ZNF486: variants seen among roughly 807,000 people sequenced by gnomAD.
ZNF486 encodes zinc finger protein 486, also known as KRAB box only protein 2.
In ZNF486, 12 loss-of-function variants were observed where a neutral mutation model predicts 12.8. The ratio of observed to expected loss-of-function variants is 0.94; its 90% confidence interval spans 0.60 to 1.52. The LOEUF is 1.52. ZNF486 is among the 40% of genes most tolerant of loss of function. The probability of loss-of-function intolerance (pLI) is 0.00; values close to 1 mark genes in which losing one functional copy is unlikely to be tolerated. For missense variants in ZNF486, 738 were observed against 545.0 expected (o/e 1.35, Z -3.53); for synonymous variants, 231 against 184.9 (o/e 1.25, Z -2.02).
At chr19:20,184,666 C>G (rs2089823266) in intron 2 of ZNF486, among the ~76,000 whole-genome samples, 184 bp downstream of exon 2, 1 of 152,180 alleles carries the variant, frequency 6.6e-6, no homozygotes, top group Non-Finnish European at 1.5e-5. Context: ...TTAATCCAAA[C>G]TTTCCACATT....
At chr19:20,179,183 T>A (rs1555715215) in intron 1 of ZNF486, among the ~76,000 whole-genome samples, 1 of 152,242 alleles carries the variant, frequency 6.6e-6, no homozygotes, top group Non-Finnish European at 1.5e-5. Flanking sequence ...AACTGTTCAC[T>A]ATTGGCACAA....
chr19:20,183,912 C>CA (rs1555715943), intron 1 of ZNF486, among the ~76,000 whole-genome samples: 1 of 151,040 alleles, frequency 6.6e-6, no homozygotes, highest in African/African-American at 2.4e-5. Context: ...GTTAGAAATT[C>CA]AAAAAATCAG....
chr19:20,170,030 A>AT (rs746625550), intron 1 of ZNF486, among the ~76,000 whole-genome samples: 17 of 151,338 alleles, frequency 1.1e-4, no homozygotes, highest in South Asian at 8.3e-4. Flanking sequence ...AGCTGGGACT[A>AT]CAGGCGCCCG....
intron 1 of ZNF486, among the ~76,000 whole-genome samples, chr19:20,172,216 T>G (rs1376301942): frequency 2.6e-5 from 4 of 152,064 alleles, no homozygotes; most frequent in African/African-American, 4.8e-5. Context: ...TGGGTCAGGC[T>G]GATCATAAAG....
intron 3 of ZNF486, among the ~76,000 whole-genome samples, chr19:20,193,001 C>T (rs1454835975): frequency 6.6e-6 from 1 of 151,686 alleles, no homozygotes; most frequent in Admixed American, 6.6e-5. Flanking sequence ...GTTTTACTTT[C>T]TTAATTTTCA....
At chr19:20,168,654 CA>C (rs782582640) in intron 1 of ZNF486, among the ~76,000 whole-genome samples, 1,438 of 115,878 alleles carry the variant, frequency 0.012, 12 homozygotes, top group African/African-American at 0.036. Context: ...AACTCCGTCT[CA>C]AAAAAAAAAA....
chr19:20,190,135 T>C (rs2089888440), intron 3 of ZNF486, among the ~76,000 whole-genome samples: 1 of 152,234 alleles, frequency 6.6e-6, no homozygotes, highest in South Asian at 2.1e-4. Flanking sequence ...TTCTGAGCTC[T>C]CTATTCTGGT....
In ZNF486 at chr19:20,167,310, A is replaced by G; in HGVS notation, c.-21A>G. 6.2e-7 allele frequency: 1 copy of G among 1,613,884 alleles called. No homozygotes were observed. Among genetic ancestry groups the G allele is most frequent in the Non-Finnish European group, 8.5e-7 (1 of 1,179,880 alleles). On this transcript the variant is annotated 5_prime_UTR_variant, in exon 1 of 4. Transcript: ENST00000335117. Reference sequence around the variant, plus strand: ...CTCTGTGGCCCTGTGTCCTGTAGGTATTGGGAGATCCACAGCCAAGATGCC... The same window carrying G: ...CTCTGTGGCCCTGTGTCCTGTAGGTGTTGGGAGATCCACAGCCAAGATGCC...
At chr19:20,196,528 C>A (rs1471388890) in intron 3 of ZNF486, among the ~76,000 whole-genome samples, 1 of 152,122 alleles carries the variant, frequency 6.6e-6, no homozygotes, top group Non-Finnish European at 1.5e-5. Context: ...TGGGGTTTCA[C>A]CATCTTGGCC....
chr19:20,198,114 TTTA>T lies in ZNF486; in HGVS notation c.*24_*26del, dbSNP rs782766040. The stretch of plus-strand genomic sequence containing the variant: ...AACCAAGAACGTGACAAAGGATTAT[TTTA>T]TTATTATTATTTTTTTGAGAGGTAA... On this transcript the variant is annotated 3_prime_UTR_variant, in exon 4 of 4. Coordinates refer to ENST00000335117, the MANE Select transcript of ZNF486 (RefSeq NM_052852.4). 61 of 1,526,406 alleles carry T rather than the reference TTTA, an allele frequency of 4.0e-5. 1 individual carries two copies. Among genetic ancestry groups the T allele is most frequent in the South Asian group, 2.4e-4 (19 of 79,624 alleles). The allele number at this position is 1,526,406 out of a possible 1,614,324, so 94.6% of individuals were successfully genotyped here. A position where few individuals can be genotyped will look rare whatever the true frequency, so the allele number is the denominator to read the frequency against.
At chr19:20,187,599 T>A (rs1271709810) in intron 3 of ZNF486, among the ~76,000 whole-genome samples, 1 of 151,130 alleles carries the variant, frequency 6.6e-6, no homozygotes, top group Admixed American at 6.6e-5. Flanking sequence ...CCTCCCGGGT[T>A]CACGCCATTC....
chr19:20,182,166 G>C (rs2122652004), intron 1 of ZNF486, among the ~76,000 whole-genome samples: 1 of 152,296 alleles, frequency 6.6e-6, no homozygotes, highest in South Asian at 2.1e-4. Context: ...ACCCTGTGCT[G>C]TTCCTGCTTT....
Position 20,197,799 on chromosome 19 carries a change from A to G in ZNF486, c.1089A>G (p.Ser363=). ...EECGKAFTRS[S]HLTMHKIIHT... ...GTGGCAAAGCCTTCACCCGCTCCTC[A>G]CACCTTACTATGCATAAGATAATTC... The change falls in exon 4 of 4, where the codon TCA becomes TCG. Residue 363 remains serine, a synonymous_variant. Transcript: ENST00000335117. The G allele has an allele frequency of 6.2e-7, 1 of 1,613,690 alleles. No individual in the cohort carries two copies. The highest frequency in any genetic ancestry group is 8.5e-7 in the Non-Finnish European group (1 of 1,179,902).
intron 1 of ZNF486, among the ~76,000 whole-genome samples, chr19:20,183,309 T>G (rs1446282629): frequency 6.6e-6 from 1 of 152,224 alleles, no homozygotes; most frequent in Non-Finnish European, 1.5e-5. Flanking sequence ...ATCTGTATGT[T>G]CCATTAGCTC....
intron 3 of ZNF486, among the ~76,000 whole-genome samples, chr19:20,187,005 G>A (rs996732804): frequency 6.6e-6 from 1 of 151,548 alleles, no homozygotes; most frequent in Non-Finnish European, 1.5e-5. Flanking sequence ...GGCTGGTCTT[G>A]AACTCCTGAC....
intron 1 of ZNF486, among the ~76,000 whole-genome samples, chr19:20,182,308 C>T (rs1555715699): frequency 6.6e-6 from 1 of 152,120 alleles, no homozygotes; most frequent in Non-Finnish European, 1.5e-5. Flanking sequence ...CCAAAATTAC[C>T]AAGTGATTTA....
Position 20,197,320 on chromosome 19 carries a change from G to A in ZNF486, c.610G>A (p.Asp204Asn). 1 of 1,612,414 alleles carries A rather than the reference G, an allele frequency of 6.2e-7. No individual in the cohort carries two copies. Among genetic ancestry groups the A allele is most frequent in the Non-Finnish European group, 8.5e-7 (1 of 1,179,412 alleles). Residue 204 changes from aspartate (D) to asparagine (N), a missense_variant, in exon 4 of 4, where the codon GAT becomes AAT. Transcript: ENST00000335117. ...SSTHTTHKKI[D>N]TGEKPYKCEE... ...AACCCATACTACACATAAAAAAATT[G>A]ATACTGGAGAGAAACCATACAAATG...
At chr19:20,168,392 C>T (rs1311897778) in intron 1 of ZNF486, among the ~76,000 whole-genome samples, 1 of 152,162 alleles carries the variant, frequency 6.6e-6, no homozygotes, top group Non-Finnish European at 1.5e-5. Context: ...CAGTGGCTCA[C>T]GCCTGTAATC....
rs782132015 is a variant in ZNF486 at position 20,197,886 on chromosome 19, C to T, written c.1176C>T (p.Gly392=). Residue 392 remains glycine (G), a synonymous_variant, in exon 4 of 4, where the codon GGC becomes GGT. Transcript: ENST00000335117. ...ECGKAFTWSA[G]LHKHRRTHTG... ...GCAAAGCCTTTACATGGTCTGCAGG[C>T]CTCCATAAACATAGGAGAACTCATA... 3 of 1,613,238 alleles carry T rather than the reference C, an allele frequency of 1.9e-6. No homozygotes were observed. Among genetic ancestry groups the T allele is most frequent in the Non-Finnish European group, 1.7e-6 (2 of 1,179,868 alleles).
Sources: allele counts gnomAD v4.1 joint callset (sites outside exome capture counted in the v4.1 genomes callset), GRCh38; gene constraint gnomAD v4.1.1; transcripts MANE v1.5; gene names NCBI Gene and HGNC (gene_info 2026-07-23, HGNC 2026-07-21).